IPO5: variants seen among roughly 807,000 people sequenced by gnomAD.
The protein encoded by IPO5 is importin-5.
Under a neutral mutation model 143.3 loss-of-function variants are expected in IPO5, and 18 were observed. That is an observed-to-expected ratio of 0.13 (90% confidence interval 0.09 to 0.19). The LOEUF (loss-of-function observed/expected upper bound fraction) is 0.19, where lower values mean the gene tolerates loss of function less well. Ranked by LOEUF, IPO5 falls within the 10% of genes least tolerant of loss-of-function variation. The pLI is 1.00. For synonymous variants in IPO5, 477 were observed against 465.7 expected, an observed-to-expected ratio of 1.02 and a Z score of -0.31; for missense variants, 1,013 against 1,336.9, an observed-to-expected ratio of 0.76 and a Z score of 3.78.
At chr13:97,967,229 G>A (rs1364001179) in intron 2 of IPO5, among the ~76,000 whole-genome samples, 1 of 152,016 alleles carries the variant, frequency 6.6e-6, no homozygotes, top group Non-Finnish European at 1.5e-5. Flanking sequence ...TCTGAAAGCT[G>A]GGTAGTGATG....
chr13:97,975,973 A>T (rs569307668), intron 3 of IPO5: 77 of 985,426 alleles, frequency 7.8e-5, no homozygotes, highest in Middle Eastern at 5.1e-4. Context: ...GGAGGGTCTG[A>T]AAGCGAGAAG....
At chr13:98,000,190 T>C (rs1335004555) in intron 12 of IPO5, among the ~76,000 whole-genome samples, 1 of 151,232 alleles carries the variant, frequency 6.6e-6, no homozygotes, top group Admixed American at 6.6e-5. Flanking sequence ...GAGGCTGAGG[T>C]AGGAGAATAG....
chr13:98,020,936 T>C, intron 27 of IPO5, 56 bp from the exon 28 acceptor site: 2 of 1,403,498 alleles, frequency 1.4e-6, no homozygotes, highest in South Asian at 1.2e-5. Context: ...AGTGAACACA[T>C]AATCATATTT....
At chr13:97,955,487 G>A (rs1194597867) in intron 2 of IPO5, among the ~76,000 whole-genome samples, 1 of 152,120 alleles carries the variant, frequency 6.6e-6, no homozygotes, top group African/African-American at 2.4e-5. Context: ...AATGAGCGGG[G>A]AAAACACTTC....
At chr13:98,015,242 T>TTGTGTGTG (rs1179382229) in intron 22 of IPO5, among the ~76,000 whole-genome samples, 46,534 of 147,578 alleles carry the variant, frequency 0.32, 8,936 homozygotes, top group Non-Finnish European at 0.44. Flanking sequence ...TAGGAGCTGG[T>TTGTGTGTG]TGTGTGTGTG....
chr13:98,016,790 G>A lies in IPO5; in HGVS notation c.2555G>A (p.Ser852Asn). 2 of 1,570,536 alleles carry A rather than the reference G, an allele frequency of 1.3e-6. No individual in the cohort carries two copies. Among genetic ancestry groups the A allele is most frequent in the Non-Finnish European group, 1.7e-6 (2 of 1,156,774 alleles). The change falls in exon 25 of 29, where the codon AGC becomes AAC. Residue 852 changes from serine to asparagine, a missense_variant. Physicochemically the swap from Ser to Asn is conservative, Grantham distance 46. Around this residue, in one of 2 missense-constraint regions of IPO5, gnomAD observed 685 missense variants for 994.9 expected, o/e 0.69. Coordinates refer to ENST00000651721, the MANE Select transcript of IPO5 (RefSeq NM_002271.6). ...VSDILHSIFS[S>N]YKEKVLPWFE... is the part of the protein sequence containing the mutation. ...GATATTTTACACTCAATATTCAGTA[G>A]CTACAAAGAAAAGGTGTTACCATGG...
In IPO5 at chr13:98,010,218, G is replaced by A. The variant is rs762352149; in HGVS notation, c.2049G>A (p.Gln683=). The A allele has an allele frequency of 6.8e-6, 11 of 1,613,728 alleles. No individual in the cohort carries two copies. The South Asian group carries it at 1.2e-4, about 18-fold the overall frequency. The change falls in exon 20 of 29, where the codon CAG becomes CAA. Residue 683 remains glutamine (Q), a synonymous_variant. Transcript: ENST00000651721. ...AGLEEKSTAC[Q]MLVCYAKELK... ...TAGAAGAAAAATCAACTGCTTGCCA[G>A]ATGTTGGTAAGAGAGCACTGTTTTT...
chr13:97,985,774 T>C (rs1432076136), intron 6 of IPO5, among the ~76,000 whole-genome samples, 161 bp downstream of exon 6: 2 of 152,086 alleles, frequency 1.3e-5, no homozygotes, highest in Non-Finnish European at 2.9e-5. Context: ...GAGCCAGAAA[T>C]TACAGATAGA....
chr13:98,001,149 T>C (rs1888738529), intron 13 of IPO5, among the ~76,000 whole-genome samples: 1 of 152,064 alleles, frequency 6.6e-6, no homozygotes, highest in African/African-American at 2.4e-5. Flanking sequence ...GCTTAGATTA[T>C]AGGCATGAGC....
chr13:97,977,925 A>C (rs1222831099), intron 4 of IPO5, among the ~76,000 whole-genome samples: 1 of 152,226 alleles, frequency 6.6e-6, no homozygotes, highest in Admixed American at 6.5e-5. Flanking sequence ...AATTGACTGC[A>C]AGTCCTCTTC....
intron 18 of IPO5, 49 bp from the exon 19 acceptor site, chr13:98,009,832 G>A (rs780132381): frequency 1.5e-5 from 21 of 1,399,052 alleles, no homozygotes; most frequent in South Asian, 8.9e-5. Context: ...TCTTTATCAC[G>A]TTTACCCATT....
At chr13:97,978,931 CTT>C in intron 4 of IPO5, among the ~76,000 whole-genome samples, 1 of 152,156 alleles carries the variant, frequency 6.6e-6, no homozygotes, top group Non-Finnish European at 1.5e-5. Context: ...CTCTTAGTCT[CTT>C]TATTCCTAGT....
At chr13:98,000,405 C>A in intron 12 of IPO5, 134 bp from the exon 13 acceptor site, 1 of 578,062 alleles carries the variant, frequency 1.7e-6, no homozygotes, top group Non-Finnish European at 3.1e-6. Context: ...AATTTCAATT[C>A]CACATTTAAA....
intron 20 of IPO5, 63 bp downstream of exon 20, chr13:98,010,287 C>T (rs1408260621): frequency 1.4e-6 from 2 of 1,398,504 alleles, no homozygotes; most frequent in Non-Finnish European, 2.0e-6. Context: ...CATATGAGTG[C>T]TTTTAATAGC....
intron 2 of IPO5, among the ~76,000 whole-genome samples, chr13:97,961,671 T>G (rs1003967650): frequency 6.6e-6 from 1 of 152,262 alleles, no homozygotes; most frequent in African/African-American, 2.4e-5. Context: ...ATTTCTCTAA[T>G]GATGAATGAT....
Position 98,022,060 on chromosome 13 carries a change from T to C in IPO5, c.*238T>C. ...CTGCGGTAGCTAGCACTGAAGACTA[T>C]TTTTCTATTGGTATAACCCGCCCAC... On this transcript the variant is annotated 3_prime_UTR_variant, in exon 29 of 29. Transcript: ENST00000651721. The C allele has an allele frequency of 2.7e-6, 1 of 364,954 alleles. No homozygotes were observed. The allele number at this position is 364,954 out of a possible 1,614,324, so 22.6% of individuals were successfully genotyped here. A position where few individuals can be genotyped will look rare whatever the true frequency, so the allele number is the denominator to read the frequency against.
At chr13:98,007,846 C>T (rs1399669313) in intron 17 of IPO5, among the ~76,000 whole-genome samples, 1 of 152,216 alleles carries the variant, frequency 6.6e-6, no homozygotes, top group Non-Finnish European at 1.5e-5. Context: ...TACCTTTATA[C>T]TGTAGTTCCC....
rs201912498 is a variant in IPO5 at position 97,993,097 on chromosome 13, C to G, written c.793-8C>G. On this transcript the variant is annotated splice_polypyrimidine_tract_variant and splice_region_variant and intron_variant, in intron 10 of 28. Coordinates refer to ENST00000651721, the MANE Select transcript of IPO5 (RefSeq NM_002271.6). ...TATTAAATGTATACAAATATGTCTTCTTTGTAGTTGTGTGGAGACACTAGC... is the reference window on the plus strand; with the variant it reads ...TATTAAATGTATACAAATATGTCTTGTTTGTAGTTGTGTGGAGACACTAGC... 2 of 1,613,296 alleles carry G rather than the reference C, an allele frequency of 1.2e-6. No individual in the cohort carries two copies. The highest frequency in any genetic ancestry group is 2.2e-5 in the East Asian group (1 of 44,888).
intron 21 of IPO5, among the ~76,000 whole-genome samples, chr13:98,013,385 A>G (rs1369389385): frequency 1.3e-5 from 2 of 152,100 alleles, no homozygotes; most frequent in Non-Finnish European, 2.9e-5. Flanking sequence ...ATTTTCCAGT[A>G]CATTTTTATG....
Sources: allele counts gnomAD v4.1 joint callset (sites outside exome capture counted in the v4.1 genomes callset), GRCh38; gene constraint gnomAD v4.1.1; regional missense constraint gnomAD v4.1.1; transcripts MANE v1.5; gene names NCBI Gene and HGNC (gene_info 2026-07-23, HGNC 2026-07-21).